SRP54: variants seen among roughly 807,000 people sequenced by gnomAD.
SRP54 encodes the protein signal recognition particle subunit SRP54.
In SRP54, 10 loss-of-function variants were observed where a neutral mutation model predicts 64.8. The observed-to-expected ratio is 0.15, with a 90% CI of 0.10 to 0.26. The LOEUF is 0.26. Ranked by LOEUF, SRP54 falls within the 10% of genes least tolerant of loss-of-function variation. The probability of loss-of-function intolerance (pLI) is 1.00; values close to 1 mark genes in which losing one functional copy is unlikely to be tolerated. For missense variants in SRP54, 325 were observed against 613.7 expected, an observed-to-expected ratio of 0.53 and a Z score of 4.97; for synonymous variants, 193 against 185.6, an observed-to-expected ratio of 1.04 and a Z score of -0.32.
rs2044683601 is a variant in SRP54, at chr14:35,029,175, GACTCAGTTGA to G, written c.*25_*34del. ...TAAAGAAAATGCCTTAATATAAACT[GACTCAGTTGA>G]ATACCTAATTTGCTGAGACCTCAGC... On this transcript the variant is annotated 3_prime_UTR_variant, in exon 16 of 16. Transcript: ENST00000216774. 1 of 1,591,616 alleles carries G rather than the reference GACTCAGTTGA, an allele frequency of 6.3e-7. No individual in the cohort carries two copies. Among genetic ancestry groups the G allele is most frequent in the Non-Finnish European group, 8.6e-7 (1 of 1,163,102 alleles).
intron 1 of SRP54, among the ~76,000 whole-genome samples, chr14:34,990,995 T>C (rs897905420): frequency 6.6e-6 from 1 of 152,166 alleles, no homozygotes; most frequent in African/African-American, 2.4e-5. Flanking sequence ...ATTCATAATG[T>C]TCATTTTTAT....
intron 14 of SRP54, among the ~76,000 whole-genome samples, chr14:35,026,199 A>G (rs1453730622): frequency 1.3e-5 from 1 of 76,200 alleles, no homozygotes; most frequent in Admixed American, 1.3e-4. Flanking sequence ...GTTGTTGTTT[A>G]TTTTTTGTTG....
At chr14:35,001,965 C>T (rs1264119722) in intron 4 of SRP54, among the ~76,000 whole-genome samples, 1 of 150,904 alleles carries the variant, frequency 6.6e-6, no homozygotes, top group Non-Finnish European at 1.5e-5. Context: ...CTTTGGGAGG[C>T]GGAGGTGGGA....
At position 35,028,079 on chromosome 14, in the gene SRP54, T is replaced by TTC. The variant is rs1555355898; in HGVS notation, c.1328-9_1328-8insTC. Reference sequence around the variant, plus strand: ...CGCTGACTCAAAATCTTTTTTTTTTTCCCCTCAGGTGGCGACATGTCTAAG... The same window carrying TTC: ...CGCTGACTCAAAATCTTTTTTTTTTTTCCCCCTCAGGTGGCGACATGTCTAAG... On this transcript the variant is annotated splice_polypyrimidine_tract_variant and intron_variant, in intron 14 of 15. Transcript: ENST00000216774. 2.8e-4 allele frequency: 442 copies of TTC among 1,582,522 alleles called. 3 individuals carry two copies. In the East Asian group the frequency reaches 9.3e-3, roughly 33 times the overall value.
At chr14:35,011,713 A>G (rs1451987495) in intron 8 of SRP54, 54 bp downstream of exon 8, 5 of 1,393,118 alleles carry the variant, frequency 3.6e-6, no homozygotes, top group Non-Finnish European at 4.8e-6. Context: ...ATTTAATTAT[A>G]AAACCAGGTT....
intron 14 of SRP54, among the ~76,000 whole-genome samples, chr14:35,027,026 C>CT (rs368696128): frequency 0.34 from 45,939 of 134,984 alleles, 8,284 homozygotes; most frequent in East Asian, 0.68. Flanking sequence ...TTTCTACTTT[C>CT]TTTTTTTTTT....
intron 7 of SRP54, among the ~76,000 whole-genome samples, chr14:35,011,058 C>A (rs1312944031): frequency 6.6e-6 from 1 of 151,944 alleles, no homozygotes; most frequent in African/African-American, 2.4e-5. Flanking sequence ...TCCCAAGTGG[C>A]TGGGACTATA....
Position 35,004,945 on chromosome 14 carries a change from A to G in SRP54, c.256-2338A>G, listed in dbSNP as rs187759914. 1.2e-4 allele frequency among the ~76,000 whole-genome samples: 19 copies of G among 152,308 alleles called. 1 individual carries two copies. The highest frequency in any genetic ancestry group is 2.1e-4 in the Non-Finnish European group (14 of 68,028). On this transcript the variant is annotated intron_variant, in intron 4 of 15. Transcript: ENST00000216774. ...GTATAATATAGATGATGTAATTTTTATGGATGGCTTGGCAGACTTTCTCTC... is the reference window on the plus strand; with the variant it reads ...GTATAATATAGATGATGTAATTTTTGTGGATGGCTTGGCAGACTTTCTCTC...
intron 1 of SRP54, among the ~76,000 whole-genome samples, chr14:34,992,135 G>T (rs1301917250): frequency 6.6e-6 from 1 of 152,166 alleles, no homozygotes; most frequent in Non-Finnish European, 1.5e-5. Context: ...GTTTCGCCAT[G>T]TTGACCAGGC....
intron 4 of SRP54, among the ~76,000 whole-genome samples, chr14:35,003,338 G>A (rs1258588713): frequency 6.6e-6 from 1 of 151,920 alleles, no homozygotes; most frequent in African/African-American, 2.4e-5. Flanking sequence ...ATGAATCAAG[G>A]CAGTGGCACC....
In SRP54 at chr14:35,028,924, G is replaced by A. The variant is rs539302579; in HGVS notation, c.1424-137G>A. On this transcript the variant is annotated intron_variant, in intron 15 of 15. Coordinates refer to ENST00000216774, the MANE Select transcript of SRP54 (RefSeq NM_003136.4). ...GATAATACAAATTTTTAGGTGGTACGTTCTTTAAGGCTGATGACTAAATTG... is the reference window on the plus strand; with the variant it reads ...GATAATACAAATTTTTAGGTGGTACATTCTTTAAGGCTGATGACTAAATTG... 8.2e-4 allele frequency: 514 copies of A among 628,484 alleles called. 7 individuals are homozygous for A. The highest frequency in any genetic ancestry group is 7.0e-3 in the South Asian group (329 of 47,220). 38.9% of individuals were successfully genotyped at this position (628,484 alleles called of 1,614,324 possible). A position where few individuals can be genotyped will look rare whatever the true frequency, so the allele number is the denominator to read the frequency against.
At chr14:34,985,258 T>C (rs1216556011) in intron 1 of SRP54, among the ~76,000 whole-genome samples, 1 of 152,158 alleles carries the variant, frequency 6.6e-6, no homozygotes, top group Non-Finnish European at 1.5e-5. Context: ...TATGTACACA[T>C]CCTTCATAAA....
At chr14:35,015,333 C>T (rs2044421551) in intron 11 of SRP54, among the ~76,000 whole-genome samples, 1 of 152,178 alleles carries the variant, frequency 6.6e-6, no homozygotes. Context: ...ACCTCAGCCT[C>T]CCAAAGTGCT....
intron 5 of SRP54, among the ~76,000 whole-genome samples, chr14:35,008,272 A>G (rs144004832): frequency 2.0e-5 from 3 of 152,354 alleles, no homozygotes; most frequent in Non-Finnish European, 4.4e-5. Flanking sequence ...CAATATTACA[A>G]GATTTTTCCA....
At chr14:35,023,768 A>G (rs1311624452) in intron 14 of SRP54, among the ~76,000 whole-genome samples, 1 of 148,454 alleles carries the variant, frequency 6.7e-6, no homozygotes, top group East Asian at 2.0e-4. Flanking sequence ...TGGGCAGCAG[A>G]GTGAGACTCC....
rs970161724 is a variant in SRP54 at position 35,029,325 on chromosome 14, C to T, written c.*173C>T. The T allele has an allele frequency of 6.1e-6, 3 of 494,248 alleles. No homozygotes were observed. Among genetic ancestry groups the T allele is most frequent in the Non-Finnish European group, 1.1e-5 (3 of 280,430 alleles). 30.6% of individuals were successfully genotyped at this position (494,248 alleles called of 1,614,324 possible). A position where few individuals can be genotyped will look rare whatever the true frequency, so the allele number is the denominator to read the frequency against. On this transcript the variant is annotated 3_prime_UTR_variant, in exon 16 of 16. Coordinates refer to ENST00000216774, the MANE Select transcript of SRP54 (RefSeq NM_003136.4). ...CCTTTTCTTTTTCCTTCCTTCTTTCCTCCCTTTAATATAAGGGAGAAATAC... is the reference window on the plus strand; with the variant it reads ...CCTTTTCTTTTTCCTTCCTTCTTTCTTCCCTTTAATATAAGGGAGAAATAC...
chr14:35,008,748 G>A lies in SRP54; in HGVS notation c.428-26G>A, dbSNP rs549847744. On this transcript the variant is annotated intron_variant, in intron 6 of 15. Transcript: ENST00000216774. ...ATATAATTTTTATTTTCAAGTTTGA[G>A]GATTCATGAACTCTTTATCTTCCAG... 4.4e-6 allele frequency: 7 copies of A among 1,604,280 alleles called. No homozygotes were observed. The African/African-American group carries it at 8.1e-5, about 18-fold the overall frequency.
chr14:35,023,764 G>A (rs55670220), intron 14 of SRP54, among the ~76,000 whole-genome samples: 52,086 of 148,602 alleles, frequency 0.35, 9,615 homozygotes, highest in East Asian at 0.69. Context: ...AGCCTGGGCA[G>A]CAGAGTGAGA....
chr14:35,003,242 T>G (rs960680282), intron 4 of SRP54, among the ~76,000 whole-genome samples: 2 of 152,132 alleles, frequency 1.3e-5, no homozygotes, highest in African/African-American at 4.8e-5. Flanking sequence ...AAGGTCAAAA[T>G]TATTTTCATA....
Sources: gnomAD v4.1 joint callset for allele counts (sites outside exome capture counted in the v4.1 genomes callset) on GRCh38, gnomAD v4.1.1 for gene constraint, MANE v1.5 for transcripts, NCBI Gene and HGNC (gene_info 2026-07-23, HGNC 2026-07-21) for gene names.